Variants in PCDH7 observed in about 807,000 individuals in gnomAD.
The protein encoded by PCDH7 is protocadherin-7.
PCDH7 carries 17 observed loss-of-function variants against 58.9 expected under a neutral mutation model. That is an observed-to-expected ratio of 0.29 (90% CI 0.20 to 0.43). PCDH7 has a LOEUF of 0.43. Among genes scored for constraint, PCDH7 ranks in the 20% least tolerant of loss-of-function variants. PCDH7 has a pLI of 1.00. For synonymous variants in PCDH7, 664 were observed against 616.4 expected (o/e 1.08, Z -1.14); for missense variants, 1,274 against 1,441.0 (o/e 0.88, Z 1.88).
chr4:30,941,829 AGT>A (rs1457774837), intron 2 of PCDH7, among the ~76,000 whole-genome samples: 8 of 151,936 alleles, frequency 5.3e-5, no homozygotes, highest in African/African-American at 1.9e-4. Flanking sequence ...TGCTAGGTGG[AGT>A]TAGAAACCTG....
At chr4:30,993,879 T>A in intron 3 of PCDH7, among the ~76,000 whole-genome samples, 1 of 151,844 alleles carries the variant, frequency 6.6e-6, no homozygotes, top group Non-Finnish European at 1.5e-5. Context: ...GAAGAGAGAG[T>A]GTGTCTGTGT....
chr4:30,977,758 C>A (rs1020555703), intron 3 of PCDH7, among the ~76,000 whole-genome samples: 1 of 152,140 alleles, frequency 6.6e-6, no homozygotes, highest in Non-Finnish European at 1.5e-5. Flanking sequence ...CTTTATCACT[C>A]AGCCTAAGTC....
At chr4:30,809,581 A>T (rs546102530) in intron 1 of PCDH7, among the ~76,000 whole-genome samples, 1 of 152,352 alleles carries the variant, frequency 6.6e-6, no homozygotes, top group Non-Finnish European at 1.5e-5. Flanking sequence ...GGTTTCTGAA[A>T]TAGGACAACA....
chr4:30,886,075 G>A (rs1737701538), intron 1 of PCDH7, among the ~76,000 whole-genome samples: 1 of 151,756 alleles, frequency 6.6e-6, no homozygotes, highest in African/African-American at 2.4e-5. Context: ...AGGACTTCAT[G>A]TCTAAAACAC....
intron 1 of PCDH7, among the ~76,000 whole-genome samples, chr4:30,761,444 A>G (rs1221929838): frequency 6.6e-6 from 1 of 152,186 alleles, no homozygotes; most frequent in Non-Finnish European, 1.5e-5. Context: ...TTAATTATAC[A>G]TATCATTTAA....
At chr4:30,768,865 G>A (rs1200756409) in intron 1 of PCDH7, among the ~76,000 whole-genome samples, 1 of 152,160 alleles carries the variant, frequency 6.6e-6, no homozygotes, top group African/African-American at 2.4e-5. Context: ...TTGAAATAAA[G>A]CATAATTTTA....
intron 3 of PCDH7, among the ~76,000 whole-genome samples, chr4:31,052,155 G>A (rs937699640): frequency 5.9e-5 from 9 of 151,954 alleles, no homozygotes; most frequent in Non-Finnish European, 1.3e-4. Context: ...GAGAAGTGTT[G>A]ACTTGAAGTG....
chr4:30,775,608 T>C (rs1721955962), intron 1 of PCDH7, among the ~76,000 whole-genome samples: 1 of 152,142 alleles, frequency 6.6e-6, no homozygotes, highest in African/African-American at 2.4e-5. Context: ...ATTCAGCTAT[T>C]ATAAGATATG....
intron 1 of PCDH7, among the ~76,000 whole-genome samples, chr4:30,868,713 T>A (rs765593957): frequency 2.6e-5 from 4 of 152,030 alleles, no homozygotes; most frequent in Non-Finnish European, 4.4e-5. Context: ...GCCTGTTGTT[T>A]TAGAATCCAA....
intron 3 of PCDH7, among the ~76,000 whole-genome samples, chr4:31,055,132 C>T (rs1578670540): frequency 6.6e-6 from 1 of 152,194 alleles, no homozygotes; most frequent in East Asian, 1.9e-4. Context: ...TCACAAATGC[C>T]TTTGCTCCTT....
chr4:30,782,691 G>A (rs1256134000), intron 1 of PCDH7, among the ~76,000 whole-genome samples: 2 of 152,176 alleles, frequency 1.3e-5, no homozygotes, highest in Non-Finnish European at 2.9e-5. Context: ...TTATGCTTGG[G>A]TTTGATGAAG....
intron 1 of PCDH7, among the ~76,000 whole-genome samples, chr4:30,781,842 T>A (rs962397698): frequency 4.6e-5 from 7 of 152,088 alleles, no homozygotes; most frequent in African/African-American, 1.7e-4. Flanking sequence ...GGCCTCTATC[T>A]CCTTTTCTTA....
intron 1 of PCDH7, among the ~76,000 whole-genome samples, chr4:30,828,316 A>G (rs190734217): frequency 6.6e-6 from 1 of 152,182 alleles, no homozygotes; most frequent in South Asian, 2.1e-4. Flanking sequence ...ATAAATACAT[A>G]ATATATGCTT....
chr4:31,145,841 G>C (rs1720637176), downstream of PCDH7: 1 of 151,916 alleles, frequency 6.6e-6, no homozygotes, highest in African/African-American at 2.4e-5. Context: ...CTGATTTAGA[G>C]TTTTATTCTT....
chr4:31,055,575 A>ATTTTTTG lies in PCDH7; in HGVS notation c.*8-86892_*8-86891insGTTTTTT, dbSNP rs1348365164. On this transcript the variant is annotated intron_variant, in intron 3 of 3. Coordinates refer to the PCDH7 transcript ENST00000509759. ...TATAATATAAAGGCTTTGTTTTTTT[A>ATTTTTTG]TTTTTTTGTTTTTTTGTTTTTGACA... Among the ~76,000 whole-genome samples, 9 of 151,818 alleles carry ATTTTTTG rather than the reference A, an allele frequency of 5.9e-5. No individual in the cohort carries two copies. In the East Asian group the frequency reaches 1.7e-3, roughly 29 times the overall value.
At chr4:30,922,354 A>G (rs992659459) in intron 2 of PCDH7, among the ~76,000 whole-genome samples, 2 of 151,966 alleles carry the variant, frequency 1.3e-5, no homozygotes, top group Non-Finnish European at 2.9e-5. Flanking sequence ...TGTAAAGCAC[A>G]GAATGTACAA....
intron 3 of PCDH7, among the ~76,000 whole-genome samples, chr4:30,992,063 T>G (rs1235823554): frequency 6.6e-6 from 1 of 152,158 alleles, no homozygotes; most frequent in East Asian, 1.9e-4. Flanking sequence ...TAATGAAGCC[T>G]TCTGAGGCCT....
chr4:31,137,485 G>A (rs563905918), intron 3 of PCDH7, among the ~76,000 whole-genome samples: 1 of 152,204 alleles, frequency 6.6e-6, no homozygotes, highest in Non-Finnish European at 1.5e-5. Context: ...TCAGGAGGCT[G>A]AGACATGAGA....
chr4:31,134,185 GGCACGGTGGCTCATGCCTGTAATCCCA>G (rs1431773829), intron 3 of PCDH7, among the ~76,000 whole-genome samples: 1 of 152,166 alleles, frequency 6.6e-6, no homozygotes, highest in Non-Finnish European at 1.5e-5. Context: ...GAATGGGCCA[GGCACGGTGGCTCATGCCTGTAATCCCA>G]GCACTTTGGA....
Sources: allele counts gnomAD v4.1 joint callset (sites outside exome capture counted in the v4.1 genomes callset), GRCh38; gene constraint gnomAD v4.1.1; transcripts MANE v1.5; gene names NCBI Gene and HGNC (gene_info 2026-07-23, HGNC 2026-07-21).